Variants in TYW1 observed in about 807,000 individuals in gnomAD.
The protein encoded by TYW1 is tRNA-yW synthesizing protein 1 homolog, also known as S-adenosyl-L-methionine-dependent tRNA 4-demethylwyosine synthase TYW1.
Under a neutral mutation model 96.2 loss-of-function variants are expected in TYW1, and 46 were observed. That is an observed-to-expected ratio of 0.48 (90% CI 0.38 to 0.61). The LOEUF is 0.61. TYW1 is among the 20% of genes least tolerant of loss of function. The probability of loss-of-function intolerance (pLI) is 0.00; values close to 1 mark genes in which losing one functional copy is unlikely to be tolerated. For synonymous variants in TYW1, 274 were observed against 323.0 expected, an observed-to-expected ratio of 0.85 and a Z score of 1.63; for missense variants, 684 against 909.6, an observed-to-expected ratio of 0.75 and a Z score of 3.19.
At chr7:67,180,567 C>T (rs1440010854) in intron 13 of TYW1, among the ~76,000 whole-genome samples, 1 of 150,834 alleles carries the variant, frequency 6.6e-6, no homozygotes, top group Non-Finnish European at 1.5e-5. Flanking sequence ...TTGATTATAA[C>T]TTGTAGAAAA....
chr7:67,225,908 G>A (rs2116431519), intron 15 of TYW1, among the ~76,000 whole-genome samples: 1 of 151,140 alleles, frequency 6.6e-6, no homozygotes, highest in Middle Eastern at 3.4e-3. Context: ...TCAGAAGAAG[G>A]TGGCAACAGC....
rs540831403 is a variant in TYW1 at position 67,127,982 on chromosome 7, T to C, written c.1698+10364T>C. 2.0e-5 allele frequency among the ~76,000 whole-genome samples: 3 copies of C among 152,304 alleles called. No individual in the cohort carries two copies. In the East Asian group the frequency reaches 5.8e-4, roughly 29 times the overall value. On this transcript the variant is annotated intron_variant, in intron 13 of 15. Coordinates refer to ENST00000359626, the MANE Select transcript of TYW1 (RefSeq NM_018264.4). ...CTTCTTTCTGGATTTTGTTAAATAT[T>C]TGATTTTCTGTGGTTTGAAACTTAC...
chr7:67,174,354 A>G (rs1799599161), intron 13 of TYW1, among the ~76,000 whole-genome samples: 1 of 151,766 alleles, frequency 6.6e-6, no homozygotes, highest in African/African-American at 2.4e-5. Flanking sequence ...TACTTTCAAA[A>G]GAGCAACAAT....
intron 1 of TYW1, among the ~76,000 whole-genome samples, chr7:66,997,495 C>T (rs1462620352): frequency 6.6e-6 from 1 of 152,182 alleles, no homozygotes; most frequent in East Asian, 1.9e-4. Context: ...ACTTTGTGTT[C>T]CTTCTCTTGC....
At chr7:67,033,177 A>G (rs373886855) in intron 7 of TYW1, among the ~76,000 whole-genome samples, 27 of 152,144 alleles carry the variant, frequency 1.8e-4, no homozygotes, top group African/African-American at 6.0e-4. Context: ...GATTCCAGGC[A>G]TGAGCCACTG....
chr7:67,048,456 T>G (rs1489458371), intron 7 of TYW1, among the ~76,000 whole-genome samples: 1 of 151,338 alleles, frequency 6.6e-6, no homozygotes, highest in Non-Finnish European at 1.5e-5. Context: ...CCCTAAAGTG[T>G]AACACAGATC....
intron 9 of TYW1, among the ~76,000 whole-genome samples, chr7:67,064,799 A>C (rs1375332853): frequency 6.6e-6 from 1 of 152,176 alleles, no homozygotes; most frequent in East Asian, 1.9e-4. Context: ...TCCATGGTGA[A>C]ATTTTCAACA....
At chr7:67,123,915 A>G (rs1318648280) in intron 13 of TYW1, among the ~76,000 whole-genome samples, 1 of 152,196 alleles carries the variant, frequency 6.6e-6, no homozygotes, top group African/African-American at 2.4e-5. Flanking sequence ...TGTGGAAGCC[A>G]TTGTATAGAG....
chr7:67,041,188 G>A (rs1459327424), intron 7 of TYW1, among the ~76,000 whole-genome samples: 2 of 152,170 alleles, frequency 1.3e-5, no homozygotes, highest in Non-Finnish European at 2.9e-5. Flanking sequence ...TTAGGTTACA[G>A]CAGGGTGTTC....
chr7:67,011,431 C>T (rs1229715258), intron 4 of TYW1, among the ~76,000 whole-genome samples: 1 of 152,240 alleles, frequency 6.6e-6, no homozygotes, highest in Admixed American at 6.5e-5. Context: ...GGATTTCACC[C>T]TACAGCAGTG....
chr7:67,038,300 C>T (rs1271731473), intron 7 of TYW1, among the ~76,000 whole-genome samples: 1 of 151,066 alleles, frequency 6.6e-6, no homozygotes, highest in African/African-American at 2.4e-5. Flanking sequence ...GAGACTGTCT[C>T]AAAATAAATT....
intron 13 of TYW1, among the ~76,000 whole-genome samples, chr7:67,125,541 A>C (rs1223105890): frequency 1.3e-5 from 2 of 152,122 alleles, no homozygotes; most frequent in Non-Finnish European, 2.9e-5. Context: ...TGGCACATTT[A>C]TTATAACTGA....
Position 67,022,095 on chromosome 7 carries a change from T to TAG in TYW1, c.862-2801_862-2800dup, listed in dbSNP as rs1229659398. Among the ~76,000 whole-genome samples, 14 of 151,952 alleles carry TAG rather than the reference T, an allele frequency of 9.2e-5. No individual in the cohort carries two copies. The East Asian group carries it at 2.7e-3, about 30-fold the overall frequency. ...CCAGCTAAGTTTTTTTAATTTTTTG[T>TAG]AGAGATGAGGTCCCACTGTGTTGCC... is the stretch of plus-strand genomic sequence containing the variant. On this transcript the variant is annotated intron_variant, in intron 6 of 15. Coordinates refer to ENST00000359626, the MANE Select transcript of TYW1 (RefSeq NM_018264.4).
intron 13 of TYW1, among the ~76,000 whole-genome samples, chr7:67,135,245 C>A (rs1294562128): frequency 1.3e-5 from 2 of 151,024 alleles, no homozygotes; most frequent in Non-Finnish European, 2.9e-5. Flanking sequence ...CACTACCTAA[C>A]TCGAGAACAT....
At chr7:67,128,407 G>C (rs904874528) in intron 13 of TYW1, among the ~76,000 whole-genome samples, 17 of 152,152 alleles carry the variant, frequency 1.1e-4, no homozygotes, top group African/African-American at 4.1e-4. Context: ...TTCGATCTCT[G>C]TTTACATTGT....
intron 3 of TYW1, among the ~76,000 whole-genome samples, chr7:67,008,560 G>C (rs1379998891): frequency 1.3e-5 from 2 of 152,154 alleles, no homozygotes; most frequent in African/African-American, 2.4e-5. Context: ...GAGCTTCTCT[G>C]GGGTTCTGTT....
chr7:67,234,755 T>G (rs746570687), intron 15 of TYW1, among the ~76,000 whole-genome samples: 2 of 149,464 alleles, frequency 1.3e-5, no homozygotes, highest in African/African-American at 5.0e-5. Context: ...AGTTTTAGAG[T>G]CAAAAGAAAC....
chr7:67,001,614 G>A (rs1212704644), intron 3 of TYW1, among the ~76,000 whole-genome samples: 1 of 151,510 alleles, frequency 6.6e-6, no homozygotes, highest in African/African-American at 2.4e-5. Context: ...TAGAGATGGG[G>A]TTTCACCACG....
intron 11 of TYW1, among the ~76,000 whole-genome samples, chr7:67,088,130 G>C (rs35676136): frequency 6.6e-6 from 1 of 152,134 alleles, no homozygotes; most frequent in Non-Finnish European, 1.5e-5. Context: ...CTCCCAAAGT[G>C]CTGGGATTAC....
Sources: allele counts gnomAD v4.1 joint callset (sites outside exome capture counted in the v4.1 genomes callset), GRCh38; gene constraint gnomAD v4.1.1; transcripts MANE v1.5; gene names NCBI Gene and HGNC (gene_info 2026-07-23, HGNC 2026-07-21).